Variants in CDYL2 observed in about 807,000 individuals in gnomAD.
CDYL2 encodes chromodomain Y like 2.
A neutral mutation model predicts 49.4 loss-of-function variants in CDYL2; 23 were observed. The observed-to-expected ratio is 0.47, with a 90% CI of 0.34 to 0.66. The LOEUF is 0.66. CDYL2 is among the 30% of genes least tolerant of loss of function. The pLI, the probability that CDYL2 is intolerant of heterozygous loss-of-function variation, is 0.01. For synonymous variants in CDYL2, 360 were observed against 268.8 expected, an observed-to-expected ratio of 1.34 and a Z score of -3.32; for missense variants, 678 against 656.4, an observed-to-expected ratio of 1.03 and a Z score of -0.36.
At chr16:80,615,771 G>A (rs769542354) in intron 4 of CDYL2, among the ~76,000 whole-genome samples, 5 of 152,080 alleles carry the variant, frequency 3.3e-5, no homozygotes, top group Non-Finnish European at 5.9e-5. Flanking sequence ...CTGACCCTCC[G>A]CCCCAGCCCC....
chr16:80,711,851 G>A (rs72807925), intron 1 of CDYL2, among the ~76,000 whole-genome samples: 109 of 152,088 alleles, frequency 7.2e-4, no homozygotes, highest in Non-Finnish European at 1.3e-3. Context: ...ATAATGCCCT[G>A]GCTGACCACA....
intron 1 of CDYL2, among the ~76,000 whole-genome samples, chr16:80,700,822 G>A (rs1430314587): frequency 2.0e-5 from 3 of 152,278 alleles, no homozygotes; most frequent in East Asian, 1.9e-4. Flanking sequence ...GCTTTCTCTC[G>A]CCAGTAGGCA....
chr16:80,697,902 G>T (rs1056710052), intron 1 of CDYL2, among the ~76,000 whole-genome samples: 1 of 151,824 alleles, frequency 6.6e-6, no homozygotes, highest in African/African-American at 2.4e-5. Context: ...TTAAAGATAA[G>T]ATTAAAAAAA....
chr16:80,601,509 A>C lies in CDYL2; in HGVS notation c.*2879T>G, dbSNP rs1906082369. ...AAATGGTAGAGAGAGGGGAGAAAGG[A>C]TCCCATAGACAGAGAGGGGGCCCTG... On this transcript the variant is annotated 3_prime_UTR_variant, in exon 7 of 7. Transcript: ENST00000570137. The C allele has an allele frequency of 6.6e-6, 1 of 152,190 alleles. No individual in the cohort carries two copies. The highest frequency in any genetic ancestry group is 6.5e-5 in the Admixed American group (1 of 15,282). The allele number at this position is 152,190 out of a possible 1,614,324, so 9.4% of individuals were successfully genotyped here. A position where few individuals can be genotyped will look rare whatever the true frequency, so the allele number is the denominator to read the frequency against.
At chr16:80,673,251 C>T (rs560416643) in intron 2 of CDYL2, among the ~76,000 whole-genome samples, 154 of 152,118 alleles carry the variant, frequency 1.0e-3, no homozygotes, top group African/African-American at 3.5e-3. Flanking sequence ...ACCCGGGAGG[C>T]GGAGGTTGCA....
chr16:80,704,950 T>C (rs576540811), intron 1 of CDYL2, among the ~76,000 whole-genome samples: 1 of 152,250 alleles, frequency 6.6e-6, no homozygotes, highest in South Asian at 2.1e-4. Flanking sequence ...TTGGCCAAGG[T>C]AGGGGCTCCC....
rs1253747115 is a variant in CDYL2, at chr16:80,633,208, G to T, written c.645C>A (p.Asn215Lys). ...LGSALTNGGL[N>K]LHSPVKRKLE... is the part of the protein sequence containing the mutation. ...GCTTCCTCTTCACTGGACTGTGCAG[G>T]TTCAATCCCCCGTTGGTCAGAGCAG... The change falls in exon 3 of 7, where the codon AAC (asparagine) becomes AAA (lysine). Residue 215 changes from asparagine to lysine, a missense_variant. Asn to Lys is a moderately conservative substitution (Grantham distance 94). This residue lies in a region of CDYL2 where 478 missense variants were observed against 427.0 expected (regional missense o/e 1.12). Coordinates refer to ENST00000570137, the MANE Select transcript of CDYL2 (RefSeq NM_152342.4). The T allele has an allele frequency of 6.2e-7, 1 of 1,614,134 alleles. No individual in the cohort carries two copies. Among genetic ancestry groups the T allele is most frequent in the East Asian group, 2.2e-5 (1 of 44,884 alleles).
intron 5 of CDYL2, among the ~76,000 whole-genome samples, chr16:80,610,166 T>C (rs182078723): frequency 2.8e-3 from 421 of 152,298 alleles, no homozygotes; most frequent in African/African-American, 9.5e-3. Context: ...AGCCTCACTA[T>C]TGCAACAAAA....
chr16:80,754,498 C>A (rs28614063), intron 1 of CDYL2, among the ~76,000 whole-genome samples: 2 of 152,150 alleles, frequency 1.3e-5, no homozygotes, highest in African/African-American at 4.8e-5. Flanking sequence ...ATCCGAGAAC[C>A]GTCAGACCCA....
intron 1 of CDYL2, among the ~76,000 whole-genome samples, chr16:80,769,728 C>G (rs548074655): frequency 4.6e-5 from 7 of 152,118 alleles, no homozygotes; most frequent in Non-Finnish European, 7.3e-5. Context: ...AAATAGCATG[C>G]CTTTATAGAG....
chr16:80,727,610 C>T (rs1466143924), intron 1 of CDYL2, among the ~76,000 whole-genome samples: 2 of 152,224 alleles, frequency 1.3e-5, no homozygotes, highest in African/African-American at 4.8e-5. Flanking sequence ...CTCAAGGAGG[C>T]CTGCCTGCCT....
chr16:80,662,845 T>A (rs1331898101), intron 2 of CDYL2: 13 of 448,382 alleles, frequency 2.9e-5, no homozygotes, highest in South Asian at 1.9e-4. Context: ...TTTTCTCAAA[T>A]GTCTGGCTCC....
intron 2 of CDYL2, among the ~76,000 whole-genome samples, chr16:80,633,917 G>A (rs961808961): frequency 7.9e-5 from 12 of 152,326 alleles, no homozygotes; most frequent in African/African-American, 2.9e-4. Flanking sequence ...TGATCCAGAT[G>A]TATAACGGTT....
At chr16:80,769,574 C>A (rs565638561) in intron 1 of CDYL2, among the ~76,000 whole-genome samples, 104 of 152,244 alleles carry the variant, frequency 6.8e-4, no homozygotes, top group Non-Finnish European at 1.4e-3. Context: ...TAGGGAGGAA[C>A]CTTCAGCAGA....
chr16:80,680,842 C>A (rs1202870638), intron 2 of CDYL2, among the ~76,000 whole-genome samples: 4 of 152,116 alleles, frequency 2.6e-5, no homozygotes, highest in African/African-American at 9.7e-5. Context: ...GCAGAACCCA[C>A]CCCTCCAGCC....
At chr16:80,694,385 T>G (rs536553276) in intron 1 of CDYL2, among the ~76,000 whole-genome samples, 9 of 152,288 alleles carry the variant, frequency 5.9e-5, no homozygotes, top group African/African-American at 1.9e-4. Context: ...AAAATTGTTT[T>G]TTGCAGAGGT....
chr16:80,632,032 G>A (rs1190116785), intron 3 of CDYL2, among the ~76,000 whole-genome samples: 1 of 152,000 alleles, frequency 6.6e-6, no homozygotes, highest in African/African-American at 2.4e-5. Context: ...TCTAAGAATT[G>A]GAATAGACTC....
chr16:80,662,882 A>C (rs2142437778), intron 2 of CDYL2: 1 of 421,506 alleles, frequency 2.4e-6, no homozygotes, highest in Non-Finnish European at 4.7e-6. Flanking sequence ...GGATTCTTAA[A>C]GGCAAGGGCT....
chr16:80,635,602 A>T (rs13331630), intron 2 of CDYL2, among the ~76,000 whole-genome samples: 9,010 of 152,236 alleles, frequency 0.059, 815 homozygotes, highest in African/African-American at 0.2. Flanking sequence ...TGCTCATGGA[A>T]AGGAAGAATC....
Sources: gnomAD v4.1 joint callset for allele counts (sites outside exome capture counted in the v4.1 genomes callset) on GRCh38, gnomAD v4.1.1 for gene constraint, gnomAD v4.1.1 regional missense constraint, MANE v1.5 for transcripts, NCBI Gene and HGNC (gene_info 2026-07-23, HGNC 2026-07-21) for gene names.